Variants in ENPP2 observed in about 807,000 individuals in gnomAD.
ENPP2 encodes autotaxin.
A neutral mutation model predicts 120.2 loss-of-function variants in ENPP2; 51 were observed. That is an observed-to-expected ratio of 0.42 (90% CI 0.34 to 0.54). ENPP2 has a LOEUF of 0.54. ENPP2 is among the 20% of genes least tolerant of loss of function. The probability of loss-of-function intolerance (pLI) is 0.04; values close to 1 mark genes in which losing one functional copy is unlikely to be tolerated. For missense variants in ENPP2, 920 were observed against 1,066.5 expected (o/e 0.86, Z 1.91); for synonymous variants, 365 against 366.4 (o/e 1.00, Z 0.04).
chr8:119,593,837 G>T lies in ENPP2; in HGVS notation c.996C>A (p.Ile332=), dbSNP rs777887975. The T allele has an allele frequency of 2.5e-6, 4 of 1,610,446 alleles. No individual in the cohort carries two copies. Among genetic ancestry groups the T allele is most frequent in the Non-Finnish European group, 3.4e-6 (4 of 1,176,690 alleles). The change falls in exon 12 of 25, where the codon ATC becomes ATA. Residue 332 remains isoleucine (I), a synonymous_variant. Transcript: ENST00000075322. Reference sequence around the variant, plus strand: ...CCATTAATTGCCCCACAATTTTGTCGATTTCCCTCAGAGGATTTGTCATCT... The same window carrying T: ...CCATTAATTGCCCCACAATTTTGTCTATTTCCCTCAGAGGATTTGTCATCT... ...GPEMTNPLRE[I]DKIVGQLMDG...
At chr8:119,587,099 T>A in intron 13 of ENPP2, 24 bp from the exon 14 acceptor site, 1 of 1,593,324 alleles carries the variant, frequency 6.3e-7, no homozygotes, top group Admixed American at 1.7e-5. Flanking sequence ...GGAGAAAGAT[T>A]TCAAAAGAAA....
intron 19 of ENPP2, 93 bp from the exon 20 acceptor site, chr8:119,570,934 G>A (rs1418419341): frequency 2.6e-6 from 2 of 768,704 alleles, no homozygotes; most frequent in Non-Finnish European, 3.9e-6. Context: ...TACCTAAAAT[G>A]GCTAGCTTAC....
At chr8:119,627,865 A>AAAAAAT (rs922394521) in intron 2 of ENPP2, among the ~76,000 whole-genome samples, 3 of 143,554 alleles carry the variant, frequency 2.1e-5, no homozygotes, top group African/African-American at 7.6e-5. Context: ...CCGTCTTAAA[A>AAAAAAT]ATATATATAT....
rs753701446 is a variant in ENPP2 at position 119,582,381 on chromosome 8, C to T, written c.1728+37G>A. 3.8e-6 allele frequency: 6 copies of T among 1,562,134 alleles called. No individual in the cohort carries two copies. The Admixed American group carries it at 1.0e-4, about 26-fold the overall frequency. On this transcript the variant is annotated intron_variant, in intron 18 of 24. Coordinates refer to ENST00000075322, the MANE Select transcript of ENPP2 (RefSeq NM_001040092.3). ...TGGGCCAGCACTGTTAGCCACCCAA[C>T]AAACTTCTCCATAATAAACATAAAG...
chr8:119,603,548 T>C (rs1814467939), intron 9 of ENPP2, among the ~76,000 whole-genome samples: 1 of 152,172 alleles, frequency 6.6e-6, no homozygotes, highest in Non-Finnish European at 1.5e-5. Flanking sequence ...ATCTAAACTT[T>C]TGATGCCTCT....
At chr8:119,558,330 T>C (rs1813638479) in intron 24 of ENPP2, among the ~76,000 whole-genome samples, 1 of 152,192 alleles carries the variant, frequency 6.6e-6, no homozygotes, top group Non-Finnish European at 1.5e-5. Flanking sequence ...GTCAAGCTAC[T>C]TGACTTTTGA....
chr8:119,563,348 G>T (rs16892761), intron 23 of ENPP2, among the ~76,000 whole-genome samples: 14,580 of 152,064 alleles, frequency 0.096, 1,123 homozygotes, highest in African/African-American at 0.2. Flanking sequence ...ATTATGGTGG[G>T]TTCTGAGTGC....
chr8:119,569,628 C>T (rs1814786089), intron 20 of ENPP2, among the ~76,000 whole-genome samples: 1 of 151,770 alleles, frequency 6.6e-6, no homozygotes, highest in Non-Finnish European at 1.5e-5. Context: ...GAAAGCAGAA[C>T]ATAAAGCAGA....
intron 1 of ENPP2, among the ~76,000 whole-genome samples, chr8:119,671,435 A>G (rs907773770): frequency 6.6e-6 from 1 of 152,216 alleles, no homozygotes; most frequent in African/African-American, 2.4e-5. Flanking sequence ...GGCCATAAGT[A>G]TAACAGTGGT....
At chr8:119,606,350 C>A (rs1255454267) in intron 9 of ENPP2, among the ~76,000 whole-genome samples, 2 of 152,088 alleles carry the variant, frequency 1.3e-5, no homozygotes, top group African/African-American at 4.8e-5. Flanking sequence ...AACACTGGGC[C>A]TTTTCAATGA....
chr8:119,666,455 A>G (rs1818071875), intron 1 of ENPP2, among the ~76,000 whole-genome samples: 1 of 152,144 alleles, frequency 6.6e-6, no homozygotes, highest in Non-Finnish European at 1.5e-5. Context: ...CAGTAATATA[A>G]TGCAACCTAT....
In ENPP2 at chr8:119,587,103, A is replaced by G; in HGVS notation, c.1208-28T>C. On this transcript the variant is annotated intron_variant, in intron 13 of 24. Coordinates refer to ENST00000075322, the MANE Select transcript of ENPP2 (RefSeq NM_001040092.3). Reference sequence around the variant, plus strand: ...GTTCAAAGAGAGGAGAAAGATTTCAAAAGAAATAACAACCATTACCAAGAG... The same window carrying G: ...GTTCAAAGAGAGGAGAAAGATTTCAGAAGAAATAACAACCATTACCAAGAG... 3 of 1,586,108 alleles carry G rather than the reference A, an allele frequency of 1.9e-6. No homozygotes were observed. The South Asian group carries it at 3.4e-5, about 18-fold the overall frequency.
chr8:119,603,238 G>A (rs942713667), intron 9 of ENPP2, among the ~76,000 whole-genome samples: 2 of 143,310 alleles, frequency 1.4e-5, no homozygotes, highest in Non-Finnish European at 3.0e-5. Flanking sequence ...AAAAAAAAAA[G>A]TGAATGCCAG....
chr8:119,582,738 A>G (rs767206905), intron 17 of ENPP2, 136 bp from the exon 18 acceptor site: 5 of 662,738 alleles, frequency 7.5e-6, no homozygotes, highest in African/African-American at 1.8e-5. Context: ...CCAAATGTAG[A>G]TGGCAGGCAC....
intron 15 of ENPP2, among the ~76,000 whole-genome samples, chr8:119,584,349 G>A (rs1464564510): frequency 1.3e-5 from 2 of 152,074 alleles, no homozygotes; most frequent in Non-Finnish European, 2.9e-5. Context: ...CTGTCTAGGT[G>A]CTTCGCTAGC....
rs759827299 is a variant in ENPP2, at chr8:119,580,183, C to A, written c.1729-16G>T. Reference sequence around the variant, plus strand: ...CCAACTTGTTCTTCATGTGTGAAAACCAGTAAAGGAAAAAAGAAAGCAAAT... The same window carrying A: ...CCAACTTGTTCTTCATGTGTGAAAAACAGTAAAGGAAAAAAGAAAGCAAAT... On this transcript the variant is annotated splice_polypyrimidine_tract_variant and intron_variant, in intron 18 of 24. Transcript: ENST00000075322. 2.7e-5 allele frequency: 44 copies of A among 1,606,364 alleles called. No homozygotes were observed. The highest frequency in any genetic ancestry group is 3.7e-5 in the Non-Finnish European group (43 of 1,173,066).
intron 1 of ENPP2, among the ~76,000 whole-genome samples, chr8:119,668,843 C>T (rs1379866960): frequency 6.6e-6 from 1 of 152,168 alleles, no homozygotes; most frequent in Non-Finnish European, 1.5e-5. Context: ...TTCTCTCTAA[C>T]TTTCTGTCTC....
intron 15 of ENPP2, among the ~76,000 whole-genome samples, chr8:119,584,593 A>G (rs1464672678): frequency 6.6e-6 from 1 of 152,236 alleles, no homozygotes; most frequent in African/African-American, 2.4e-5. Flanking sequence ...ATCTATCAAT[A>G]TACAATACAA....
rs1269756808 is a variant in ENPP2, at chr8:119,616,255, C to T, written c.777+10G>A. On this transcript the variant is annotated intron_variant, in intron 8 of 24. Coordinates refer to ENST00000075322, the MANE Select transcript of ENPP2 (RefSeq NM_001040092.3). ...CAAACACATAGACACACAATAAATG[C>T]AAAACTTACCGGTTGACCTCCCCAC... 6.3e-7 allele frequency: 1 copy of T among 1,599,296 alleles called. No individual in the cohort carries two copies. The highest frequency in any genetic ancestry group is 1.7e-5 in the Admixed American group (1 of 59,584).
Sources: allele counts gnomAD v4.1 joint callset (sites outside exome capture counted in the v4.1 genomes callset), GRCh38; gene constraint gnomAD v4.1.1; transcripts MANE v1.5; gene names NCBI Gene and HGNC (gene_info 2026-07-23, HGNC 2026-07-21).